Variants in NMU observed in about 807,000 individuals in gnomAD.
NMU encodes neuromedin-U.
A neutral mutation model predicts 35.4 loss-of-function variants in NMU; 29 were observed. The ratio of observed to expected loss-of-function variants is 0.82; its 90% CI spans 0.61 to 1.12. The LOEUF (loss-of-function observed/expected upper bound fraction) is 1.12, where lower values mean the gene tolerates loss of function less well. Among genes scored for constraint, NMU ranks in the 50% most tolerant of loss-of-function variants. The probability of loss-of-function intolerance (pLI) is 0.00; values close to 1 mark genes in which losing one functional copy is unlikely to be tolerated. For missense variants in NMU, 199 were observed against 206.2 expected (o/e 0.97, Z 0.21); for synonymous variants, 78 against 81.3 (o/e 0.96, Z 0.22).
chr4:55,601,975 T>G (rs1733444053), intron 7 of NMU, among the ~76,000 whole-genome samples: 1 of 151,952 alleles, frequency 6.6e-6, no homozygotes, highest in African/African-American at 2.4e-5. Flanking sequence ...CCAGCCTAGG[T>G]GACAGAGAAA....
chr4:55,595,621 GTGTA>G (rs368968031), intron 9 of NMU, among the ~76,000 whole-genome samples: 11,965 of 91,730 alleles, frequency 0.13, 870 homozygotes, highest in East Asian at 0.32. Flanking sequence ...ATGTGTGTGT[GTGTA>G]TATATATATA....
At chr4:55,632,499 C>CT (rs922545905) in intron 1 of NMU, among the ~76,000 whole-genome samples, 5 of 151,602 alleles carry the variant, frequency 3.3e-5, no homozygotes, top group Non-Finnish European at 7.4e-5. Context: ...CATGGGACAA[C>CT]TATTCAAAGT....
At chr4:55,634,877 GTCTC>G (rs35528434) in intron 1 of NMU, among the ~76,000 whole-genome samples, 4 of 149,666 alleles carry the variant, frequency 2.7e-5, no homozygotes, top group Non-Finnish European at 4.5e-5. Flanking sequence ...CTCTCTTTCT[GTCTC>G]TCTCTCTCTC....
intron 2 of NMU, among the ~76,000 whole-genome samples, chr4:55,619,910 C>T (rs1734315009): frequency 7.8e-6 from 1 of 128,904 alleles, no homozygotes; most frequent in Non-Finnish European, 1.7e-5. Flanking sequence ...GGCACACTGA[C>T]ACCTCACAAG....
Position 55,636,240 on chromosome 4 carries a change from C to T in NMU, c.-48G>A, listed in dbSNP as rs969755412. ...GTGCTAGGGACGCTGCGCTGCGCCA[C>T]GCGTAGCTGGTGCTCCACCTGGTGC... On this transcript the variant is annotated 5_prime_UTR_variant, in exon 1 of 10. In the 5' UTR this introduces an upstream ATG that the reference lacks. Coordinates refer to ENST00000264218, the MANE Select transcript of NMU (RefSeq NM_006681.4). The surrounding 1 kb of genome is among the most constrained non-coding windows in gnomAD (Gnocchi z 4.0). The T allele has an allele frequency of 2.1e-6, 3 of 1,421,868 alleles. No homozygotes were observed. The South Asian group carries it at 4.5e-5, about 21-fold the overall frequency. 88.1% of individuals were successfully genotyped at this position (1,421,868 alleles called of 1,614,324 possible). A position where few individuals can be genotyped will look rare whatever the true frequency, so the allele number is the denominator to read the frequency against.
chr4:55,629,523 G>A (rs866672675), intron 2 of NMU, among the ~76,000 whole-genome samples: 6 of 151,342 alleles, frequency 4.0e-5, no homozygotes, highest in Non-Finnish European at 8.8e-5. Flanking sequence ...GGAGGCTGAG[G>A]TGGGAGAATC....
At position 55,607,435 on chromosome 4, in the gene NMU, A is replaced by G. The variant is rs541470759; in HGVS notation, c.309+2T>C. 2.8e-6 allele frequency: 3 copies of G among 1,060,674 alleles called. No homozygotes were observed. The highest frequency in any genetic ancestry group is 3.2e-5 in the African/African-American group (2 of 63,480). 65.7% of individuals were successfully genotyped at this position (1,060,674 alleles called of 1,614,324 possible). A position where few individuals can be genotyped will look rare whatever the true frequency, so the allele number is the denominator to read the frequency against. ...GGTATAGATGTATGAAAATCATCTTACCCTTTTAGTATTATCTTTTTCATC... is the reference window on the plus strand; with the variant it reads ...GGTATAGATGTATGAAAATCATCTTGCCCTTTTAGTATTATCTTTTTCATC... On this transcript the variant is annotated splice_donor_variant, in intron 5 of 9. Transcript: ENST00000264218. LOFTEE classifies it high-confidence loss of function.
At chr4:55,610,120 A>G (rs1733868341) in intron 3 of NMU, among the ~76,000 whole-genome samples, 1 of 152,176 alleles carries the variant, frequency 6.6e-6, no homozygotes, top group Non-Finnish European at 1.5e-5. Flanking sequence ...AAATGTAGGT[A>G]AAGTTCTCAG....
intron 8 of NMU, 22 bp downstream of exon 8, chr4:55,600,500 T>A: frequency 6.5e-7 from 1 of 1,531,238 alleles, no homozygotes; most frequent in African/African-American, 1.4e-5. Context: ...ATTGATTTTT[T>A]AAAAATACAG....
At position 55,636,051 on chromosome 4, in the gene NMU, T is replaced by G; in HGVS notation, c.112+30A>C. ...GAGCCAGAGAGAGGCGCGCATGGCG[T>G]GGAAGCGGCCGGGTGCGGGGCCGTC... On this transcript the variant is annotated intron_variant, in intron 1 of 9. Coordinates refer to ENST00000264218, the MANE Select transcript of NMU (RefSeq NM_006681.4). This position sits in a 1 kb window ranked among gnomAD's most constrained non-coding sequence, Gnocchi z 4.0. The G allele has an allele frequency of 6.5e-7, 1 of 1,531,944 alleles. No homozygotes were observed. The highest frequency in any genetic ancestry group is 2.5e-5 in the East Asian group (1 of 40,538). 94.9% of individuals were successfully genotyped at this position (1,531,944 alleles called of 1,614,324 possible). A position where few individuals can be genotyped will look rare whatever the true frequency, so the allele number is the denominator to read the frequency against.
At chr4:55,601,624 A>T (rs1055939960) in intron 7 of NMU, among the ~76,000 whole-genome samples, 1 of 152,176 alleles carries the variant, frequency 6.6e-6, no homozygotes, top group Non-Finnish European at 1.5e-5. Flanking sequence ...AAAATAAAAA[A>T]TAAAAGTTTA....
rs149149367 is a variant in NMU at position 55,611,165 on chromosome 4, C to T, written c.220-1986G>A. 3.0e-3 allele frequency among the ~76,000 whole-genome samples: 449 copies of T among 152,068 alleles called. 2 individuals are homozygous for T. The highest frequency in any genetic ancestry group is 0.011 in the African/African-American group (443 of 41,464). On this transcript the variant is annotated intron_variant, in intron 3 of 9. Coordinates refer to ENST00000264218, the MANE Select transcript of NMU (RefSeq NM_006681.4). ...CTGCTTGAGCCCAGGAGTTTGAGAC[C>T]AGCCTGGACAACATAGCAAGATCCT...
intron 9 of NMU, 108 bp downstream of exon 9, chr4:55,599,034 A>G: frequency 1.4e-6 from 1 of 724,254 alleles, no homozygotes; most frequent in Non-Finnish European, 2.4e-6. Flanking sequence ...TACATTTAAC[A>G]TAGTTTAATT....
At chr4:55,636,410 C>A (rs1715936866), upstream of NMU, 1 of 620,278 alleles carries the variant, frequency 1.6e-6, no homozygotes, top group South Asian at 3.7e-5. The surrounding 1 kb of genome is among the most constrained non-coding windows in gnomAD (Gnocchi z 4.0). Context: ...CCTCGCCTCA[C>A]CCCGCCCCGC....
chr4:55,609,402 G>A (rs1304580740), intron 3 of NMU, among the ~76,000 whole-genome samples: 1 of 149,734 alleles, frequency 6.7e-6, no homozygotes, highest in East Asian at 2.0e-4. Context: ...AAAAAGGTAA[G>A]TACGGTACAT....
intron 2 of NMU, among the ~76,000 whole-genome samples, chr4:55,625,833 T>C (rs1734504793): frequency 6.6e-6 from 1 of 151,784 alleles, no homozygotes; most frequent in Non-Finnish European, 1.5e-5. Context: ...GCTGGGTGTC[T>C]ATCTAGTGTG....
intron 2 of NMU, among the ~76,000 whole-genome samples, chr4:55,624,106 T>C (rs567758229): frequency 6.7e-6 from 1 of 150,060 alleles, no homozygotes; most frequent in African/African-American, 2.4e-5. Flanking sequence ...GACATAGGCA[T>C]GGGCAAGAAC....
At chr4:55,599,120 T>G (rs758597835) in intron 9 of NMU, 22 bp downstream of exon 9, 3 of 1,521,594 alleles carry the variant, frequency 2.0e-6, no homozygotes, top group South Asian at 1.1e-5. Flanking sequence ...TTTATTTATT[T>G]GTTTATTTAT....
intron 6 of NMU, among the ~76,000 whole-genome samples, chr4:55,605,715 G>A (rs1733656812): frequency 1.3e-5 from 2 of 152,156 alleles, no homozygotes; most frequent in South Asian, 2.1e-4. Flanking sequence ...CGGACCAGGC[G>A]AAACCCACAC....
Sources: allele counts gnomAD v4.1 joint callset (sites outside exome capture counted in the v4.1 genomes callset), GRCh38; gene constraint gnomAD v4.1.1; non-coding constraint Gnocchi (gnomAD v3.1); transcripts MANE v1.5; gene names NCBI Gene and HGNC (gene_info 2026-07-23, HGNC 2026-07-21).